Variants in MYH15 observed in about 807,000 individuals in gnomAD.
MYH15 encodes the protein myosin-15.
Under a neutral mutation model 240.5 loss-of-function variants are expected in MYH15, and 227 were observed. That is an observed-to-expected ratio of 0.94 (90% confidence interval 0.85 to 1.05). The LOEUF is 1.05. Among genes scored for constraint, MYH15 ranks in the 50% least tolerant of loss-of-function variants. The pLI is 0.00. For synonymous variants in MYH15, 785 were observed against 796.7 expected, an observed-to-expected ratio of 0.99 and a Z score of 0.25; for missense variants, 2,217 against 2,247.5, an observed-to-expected ratio of 0.99 and a Z score of 0.27.
At chr3:108,539,749 G>C in the MYH15 span, among the ~76,000 whole-genome samples, 1 of 152,028 alleles carries the variant, frequency 6.6e-6, no homozygotes, top group Non-Finnish European at 1.5e-5. Context: ...TTAGAGTAGA[G>C]ATAATATTAT....
At chr3:108,470,326 C>CTGT in intron 13 of MYH15, 114 bp from the exon 14 acceptor site, 1 of 688,442 alleles carries the variant, frequency 1.5e-6, no homozygotes, top group Non-Finnish European at 2.3e-6. Context: ...AGAAATAGAC[C>CTGT]CAACAAGTAA....
intron 31 of MYH15, among the ~76,000 whole-genome samples, chr3:108,408,828 A>G (rs915265114): frequency 8.5e-5 from 13 of 152,322 alleles, no homozygotes; most frequent in Non-Finnish European, 1.5e-4. Flanking sequence ...CAGGAACTTA[A>G]AGTAAAAGCT....
intron 1 of MYH15, among the ~76,000 whole-genome samples, chr3:108,516,341 C>A (rs2083572863): frequency 6.6e-6 from 1 of 152,154 alleles, no homozygotes; most frequent in African/African-American, 2.4e-5. Context: ...TTGACATAGC[C>A]TCTTCCATTA....
intron 12 of MYH15, among the ~76,000 whole-genome samples, chr3:108,475,362 T>C (rs1180612788): frequency 6.6e-6 from 1 of 152,162 alleles, no homozygotes; most frequent in Admixed American, 6.6e-5. Context: ...TAGAAGGCAA[T>C]AATACTGTGA....
In MYH15 at chr3:108,441,122, C is replaced by T; in HGVS notation, c.2794G>A (p.Gly932Arg). The T allele has an allele frequency of 6.2e-7, 1 of 1,614,138 alleles. No homozygotes were observed. The highest frequency in any genetic ancestry group is 1.7e-5 in the Admixed American group (1 of 60,022). ...AAACATTCATCTTCGAGTTTCCGCCCCCTGGCAGTCAGCTCAGAATTTATC... is the reference window on the plus strand; with the variant it reads ...AAACATTCATCTTCGAGTTTCCGCCTCCTGGCAGTCAGCTCAGAATTTATC... ...EEINSELTAR[G>R]RKLEDECFEL... The change falls in exon 23 of 41, where the codon GGG (glycine) becomes AGG (arginine). Residue 932 changes from glycine (G) to arginine (R), a missense_variant. Transcript: ENST00000693548.
chr3:108,414,156 C>T lies in MYH15; in HGVS notation c.4145+76G>A, dbSNP rs926877366. On this transcript the variant is annotated intron_variant, in intron 30 of 40. Coordinates refer to ENST00000693548, the MANE Select transcript of MYH15 (RefSeq NM_014981.3). Reference sequence around the variant, plus strand: ...ATTTGTTAAGTGCATACCATGAGGCCTTGGAGACAGAGTCATTATTCTCAT... The same window carrying T: ...ATTTGTTAAGTGCATACCATGAGGCTTTGGAGACAGAGTCATTATTCTCAT... 1.5e-5 allele frequency: 22 copies of T among 1,478,494 alleles called. No individual in the cohort carries two copies. In the South Asian group the frequency reaches 2.6e-4, roughly 18 times the overall value. 91.6% of individuals were successfully genotyped at this position (1,478,494 alleles called of 1,614,324 possible).
chr3:108,531,229 T>C (rs2083708359), upstream of MYH15, among the ~76,000 whole-genome samples: 1 of 152,170 alleles, frequency 6.6e-6, no homozygotes, highest in Non-Finnish European at 1.5e-5. Context: ...AAGATATTAT[T>C]ATTTTTAAAA....
At chr3:108,437,413 A>AC in intron 25 of MYH15, 141 bp downstream of exon 25, 4 of 1,112,842 alleles carry the variant, frequency 3.6e-6, no homozygotes, top group Non-Finnish European at 5.0e-6. Flanking sequence ...AAGAAAAAAA[A>AC]AATTGTTTCC....
chr3:108,494,942 T>C (rs553489765), intron 7 of MYH15, among the ~76,000 whole-genome samples: 1 of 152,338 alleles, frequency 6.6e-6, no homozygotes, highest in East Asian at 1.9e-4. Flanking sequence ...ATCTTTCATA[T>C]TTCAGCAGAA....
chr3:108,483,780 A>G (rs2083285720), intron 11 of MYH15, among the ~76,000 whole-genome samples: 1 of 152,252 alleles, frequency 6.6e-6, no homozygotes, highest in African/African-American at 2.4e-5. Context: ...AAATTTTGAT[A>G]CATGCTACAA....
At chr3:108,446,324 G>A (rs1189590144) in intron 21 of MYH15, among the ~76,000 whole-genome samples, 1 of 152,110 alleles carries the variant, frequency 6.6e-6, no homozygotes, top group Non-Finnish European at 1.5e-5. Context: ...ATGGACCCAG[G>A]AACTGGGCCT....
intron 22 of MYH15, among the ~76,000 whole-genome samples, chr3:108,443,448 C>G (rs764864513): frequency 6.6e-6 from 1 of 152,082 alleles, no homozygotes; most frequent in Admixed American, 6.6e-5. Flanking sequence ...ACTGTTGTTT[C>G]TTGTTTAAAA....
chr3:108,479,348 A>G (rs188425654), intron 11 of MYH15, among the ~76,000 whole-genome samples: 1 of 152,304 alleles, frequency 6.6e-6, no homozygotes, highest in East Asian at 1.9e-4. Context: ...CTCAAGCATC[A>G]GTGTGTATTG....
At chr3:108,492,988 C>CGA (rs1199999702) in intron 8 of MYH15, 126 bp downstream of exon 8, 12 of 672,912 alleles carry the variant, frequency 1.8e-5, no homozygotes, top group African/African-American at 4.7e-5. Context: ...AGAAAAAGAA[C>CGA]GAGAGAGAGA....
chr3:108,517,162 T>C (rs1312831963), intron 1 of MYH15, among the ~76,000 whole-genome samples: 4 of 152,170 alleles, frequency 2.6e-5, no homozygotes, highest in African/African-American at 7.2e-5. Flanking sequence ...GTGAGTATCA[T>C]TGACATTTCT....
In MYH15 at chr3:108,404,685, T is replaced by G. The variant is rs1347734781; in HGVS notation, c.4736+653A>C. On this transcript the variant is annotated intron_variant, in intron 33 of 40. Coordinates refer to ENST00000693548, the MANE Select transcript of MYH15 (RefSeq NM_014981.3). ...CCTGTCTAATTCAGTTTCCTGACTA[T>G]TAAGACTCAGCTGCTTTAACAAGGA... 4.6e-5 allele frequency among the ~76,000 whole-genome samples: 7 copies of G among 152,324 alleles called. 1 individual carries two copies. The highest frequency in any genetic ancestry group is 1.4e-4 in the African/African-American group (6 of 41,582).
chr3:108,420,778 T>C (rs1344291076), intron 28 of MYH15, among the ~76,000 whole-genome samples: 3 of 152,158 alleles, frequency 2.0e-5, no homozygotes, highest in African/African-American at 7.2e-5. Context: ...ATTGTAAAAA[T>C]GTCATGACTA....
intron 40 of MYH15, among the ~76,000 whole-genome samples, chr3:108,382,622 A>C (rs947667075): frequency 3.3e-5 from 5 of 152,180 alleles, no homozygotes; most frequent in South Asian, 2.1e-4. Flanking sequence ...TACCATGTCA[A>C]TATGGAGTCC....
At chr3:108,424,899 T>C (rs541313350) in intron 27 of MYH15, among the ~76,000 whole-genome samples, 76 of 152,340 alleles carry the variant, frequency 5.0e-4, no homozygotes, top group Admixed American at 4.2e-3. Context: ...CATAGAATTG[T>C]GTGACCTTGG....
Sources: gnomAD v4.1 joint callset for allele counts (sites outside exome capture counted in the v4.1 genomes callset) on GRCh38, gnomAD v4.1.1 for gene constraint, MANE v1.5 for transcripts, NCBI Gene and HGNC (gene_info 2026-07-23, HGNC 2026-07-21) for gene names.